Variants in SLC45A4 observed in about 807,000 individuals in gnomAD.
SLC45A4 encodes the protein polyamine-transporter SLC45A4.
Under a neutral mutation model 63.7 loss-of-function variants are expected in SLC45A4, and 32 were observed. That is an observed-to-expected ratio of 0.50 (90% confidence interval 0.38 to 0.67). The LOEUF (loss-of-function observed/expected upper bound fraction) is 0.67, where lower values mean the gene tolerates loss of function less well. Ranked by LOEUF, SLC45A4 falls within the 30% of genes least tolerant of loss-of-function variation. The probability of loss-of-function intolerance (pLI) is 0.00; values close to 1 mark genes in which losing one functional copy is unlikely to be tolerated. For synonymous variants in SLC45A4, 535 were observed against 510.0 expected (o/e 1.05, Z -0.66); for missense variants, 1,027 against 1,157.7 (o/e 0.89, Z 1.64).
At chr8:141,271,715 G>A (rs1228247179) in intron 1 of SLC45A4, among the ~76,000 whole-genome samples, 1 of 152,178 alleles carries the variant, frequency 6.6e-6, no homozygotes, top group African/African-American at 2.4e-5. Context: ...ATATGTCAGG[G>A]GAAGTCCGCA....
At chr8:141,250,948 A>G (rs1299050226) in intron 2 of SLC45A4, among the ~76,000 whole-genome samples, 1 of 152,240 alleles carries the variant, frequency 6.6e-6, no homozygotes, top group Admixed American at 6.5e-5. Context: ...GAAAATTCCA[A>G]GGTGTTGTGG....
rs748393317 is a variant in SLC45A4 at position 141,218,282 on chromosome 8, C to T, written c.1358G>A (p.Arg453His). The T allele has an allele frequency of 6.9e-6, 11 of 1,604,546 alleles. No homozygotes were observed. The East Asian group carries it at 1.3e-4, about 20-fold the overall frequency. The change falls in exon 5 of 9, where the codon CGC becomes CAC. Residue 453 changes from arginine (R) to histidine (H), a missense_variant. By Grantham distance (29) the Arg-to-His change is conservative (BLOSUM62 0). Transcript: ENST00000517878. The part of the protein sequence containing the change: ...ANAVVLIKPS[R>H]SMSDLYDMQK... ...CATGTCGTACAGGTCGCTCATGCTG[C>T]GCGACGGCTTGATCAGCACCACGGC...
chr8:141,217,841 C>T (rs1246377605), intron 5 of SLC45A4, among the ~76,000 whole-genome samples, 170 bp downstream of exon 5: 4 of 152,224 alleles, frequency 2.6e-5, no homozygotes, highest in African/African-American at 7.2e-5. Flanking sequence ...CCCAGAGGCG[C>T]GCGCGGGCCA....
chr8:141,233,287 C>T (rs1302732187), intron 2 of SLC45A4, among the ~76,000 whole-genome samples: 1 of 152,052 alleles, frequency 6.6e-6, no homozygotes, highest in Non-Finnish European at 1.5e-5. Context: ...CTTGAGAATG[C>T]TATTAAGTTA....
rs774118130 is a variant in SLC45A4 at position 141,218,632 on chromosome 8, G to A, written c.1008C>T (p.His336=). ...GGGGGGTGGCGGGGTAGGAGGCGTC[G>A]TGGAAGATGGAGGGCTCGATGTCGT... is the stretch of plus-strand genomic sequence containing the variant. ...FLHDIEPSIF[H]DASYPATPRS... Residue 336 remains histidine (H), a synonymous_variant, in exon 5 of 9, where the codon CAC becomes CAT. Transcript: ENST00000517878. The A allele has an allele frequency of 7.4e-6, 12 of 1,613,268 alleles. No individual in the cohort carries two copies. The highest frequency in any genetic ancestry group is 1.7e-5 in the Admixed American group (1 of 60,000).
At chr8:141,240,020 G>A (rs76287312) in intron 2 of SLC45A4, among the ~76,000 whole-genome samples, 1 of 152,334 alleles carries the variant, frequency 6.6e-6, no homozygotes, top group East Asian at 1.9e-4. Flanking sequence ...CGAGCTTCCA[G>A]CTACAACAAA....
rs1245769983 is a variant in SLC45A4 at position 141,308,279 on chromosome 8, G to A, written c.-584C>T. 6.8e-6 allele frequency: 1 copy of A among 147,770 alleles called. No individual in the cohort carries two copies. Among genetic ancestry groups the A allele is most frequent in the East Asian group, 2.0e-4 (1 of 5,106 alleles). The allele number at this position is 147,770 out of a possible 1,614,324, so 9.2% of individuals were successfully genotyped here. A position where few individuals can be genotyped will look rare whatever the true frequency, so the allele number is the denominator to read the frequency against. Reference sequence around the variant, plus strand: ...GCGACGCGGGCGCGGAGAGAGCGCTGCGAGGCTGCGGCCGGCGCGCGGAGA... The same window carrying A: ...GCGACGCGGGCGCGGAGAGAGCGCTACGAGGCTGCGGCCGGCGCGCGGAGA... On this transcript the variant is annotated 5_prime_UTR_variant, in exon 1 of 9. Transcript: ENST00000517878.
chr8:141,299,854 G>A (rs575901932), intron 1 of SLC45A4, among the ~76,000 whole-genome samples: 10 of 152,246 alleles, frequency 6.6e-5, no homozygotes, highest in East Asian at 5.8e-4. Context: ...AAAATACCAC[G>A]AAAATATAAG....
At chr8:141,287,816 G>A (rs1004871542) in intron 1 of SLC45A4, among the ~76,000 whole-genome samples, 3 of 152,262 alleles carry the variant, frequency 2.0e-5, no homozygotes, top group South Asian at 2.1e-4. Flanking sequence ...GTGAGGAGAC[G>A]GCTCTCAGAC....
intron 1 of SLC45A4, among the ~76,000 whole-genome samples, chr8:141,271,228 C>T (rs1029557522): frequency 6.6e-5 from 10 of 152,236 alleles, no homozygotes; most frequent in Non-Finnish European, 1.3e-4. Flanking sequence ...GATGACCTTC[C>T]TGCCGGTGAA....
intron 2 of SLC45A4, among the ~76,000 whole-genome samples, chr8:141,239,008 G>A (rs1381528601): frequency 1.3e-5 from 2 of 152,206 alleles, no homozygotes; most frequent in African/African-American, 4.8e-5. Flanking sequence ...AGGGAGGAAA[G>A]AACCATCAGA....
intron 1 of SLC45A4, among the ~76,000 whole-genome samples, chr8:141,303,378 G>A (rs1267514926): frequency 6.8e-6 from 1 of 148,080 alleles, no homozygotes; most frequent in Non-Finnish European, 1.5e-5. Context: ...GGACTCAAGC[G>A]ATCCTCCTGC....
chr8:141,224,985 T>C (rs1028759161), intron 2 of SLC45A4: 2 of 152,286 alleles, frequency 1.3e-5, no homozygotes, highest in Admixed American at 6.5e-5. Flanking sequence ...ATACTGTAGT[T>C]TTCAGACCTA....
chr8:141,258,020 A>G (rs1828873578), intron 1 of SLC45A4, among the ~76,000 whole-genome samples: 1 of 147,032 alleles, frequency 6.8e-6, no homozygotes, highest in Non-Finnish European at 1.5e-5. Context: ...CGGGCCACAG[A>G]TGGTCTCTGT....
rs1165556312 is a variant in SLC45A4, at chr8:141,256,662, A to C, written c.-400-2033T>G. Reference sequence around the variant, plus strand: ...CCAGAATGCCTACTAATTCCTTAAGAACCAAAGGTTCAAGTGGTGCTACCT... The same window carrying C: ...CCAGAATGCCTACTAATTCCTTAAGCACCAAAGGTTCAAGTGGTGCTACCT... On this transcript the variant is annotated intron_variant, in intron 1 of 8. Coordinates refer to ENST00000517878, the MANE Select transcript of SLC45A4 (RefSeq NM_001286646.2). The surrounding 1 kb of genome is among the most constrained non-coding windows in gnomAD (Gnocchi z 4.3). 2.2e-6 allele frequency: 1 copy of C among 456,086 alleles called. No individual in the cohort carries two copies. The highest frequency in any genetic ancestry group is 2.3e-5 in the Admixed American group (1 of 42,576). The allele number at this position is 456,086 out of a possible 1,614,324, so 28.3% of individuals were successfully genotyped here.
intron 1 of SLC45A4, among the ~76,000 whole-genome samples, chr8:141,269,283 CGT>C (rs1829415083): frequency 6.6e-6 from 1 of 152,212 alleles, no homozygotes; most frequent in East Asian, 1.9e-4. Context: ...TTCTGATAAC[CGT>C]CTTTGTGCAT....
intron 3 of SLC45A4, among the ~76,000 whole-genome samples, chr8:141,220,438 C>T (rs1589770093): frequency 6.6e-6 from 1 of 152,224 alleles, no homozygotes; most frequent in Non-Finnish European, 1.5e-5. Flanking sequence ...AGTCCTCCTG[C>T]AGTGGGCTGC....
intron 1 of SLC45A4, among the ~76,000 whole-genome samples, chr8:141,294,109 G>A (rs1364245184): frequency 6.6e-6 from 1 of 152,068 alleles, no homozygotes; most frequent in Non-Finnish European, 1.5e-5. Context: ...AGGAGGACCT[G>A]AGTCCGTGGC....
chr8:141,301,906 G>C (rs1267748072), intron 1 of SLC45A4, among the ~76,000 whole-genome samples: 1 of 151,944 alleles, frequency 6.6e-6, no homozygotes, highest in Non-Finnish European at 1.5e-5. Flanking sequence ...AGGCTGTAGC[G>C]AGCCCTGATC....
Sources: allele counts gnomAD v4.1 joint callset (sites outside exome capture counted in the v4.1 genomes callset), GRCh38; gene constraint gnomAD v4.1.1; non-coding constraint Gnocchi (gnomAD v3.1); transcripts MANE v1.5; gene names NCBI Gene and HGNC (gene_info 2026-07-23, HGNC 2026-07-21).